Variants in SLC5A10 observed in about 807,000 individuals in gnomAD.
The protein encoded by SLC5A10 is solute carrier family 5 member 10, also known as sodium/mannose cotransporter SLC5A10.
SLC5A10 carries 55 observed loss-of-function variants against 68.9 expected under a neutral mutation model. That is an observed-to-expected ratio of 0.80 (90% CI 0.64 to 1.00). The LOEUF is 1.00. Among genes scored for constraint, SLC5A10 ranks in the 50% least tolerant of loss-of-function variants. SLC5A10 has a pLI of 0.00. For synonymous variants in SLC5A10, 344 were observed against 344.8 expected (o/e 1.00, Z 0.02); for missense variants, 732 against 819.3 (o/e 0.89, Z 1.30).
rs758694379 is a variant in SLC5A10 at position 18,971,432 on chromosome 17, G to A, written c.846+214G>A. ...CGATGAGGCCCACTGGCTACCGCCC[G>A]TCCTGGCCTTTAGGTGCTTCGACTG... On this transcript the variant is annotated intron_variant, in intron 8 of 14. Coordinates refer to ENST00000395645, the MANE Select transcript of SLC5A10 (RefSeq NM_001042450.4). The surrounding 1 kb of genome is among the most constrained non-coding windows in gnomAD (Gnocchi z 5.5). 8.7e-6 allele frequency: 14 copies of A among 1,613,762 alleles called. No individual in the cohort carries two copies. Among genetic ancestry groups the A allele is most frequent in the South Asian group, 3.3e-5 (3 of 91,080 alleles).
rs139210225 is a variant in SLC5A10 at position 19,008,789 on chromosome 17, G to A, written c.983-4621G>A. On this transcript the variant is annotated intron_variant, in intron 9 of 14. Transcript: ENST00000395645. ...GCTGGGATTACAGGCGTGAGCCACC[G>A]TGCCTGGCATTATTATTATTATTAT... Among the ~76,000 whole-genome samples, 775 of 151,072 alleles carry A rather than the reference G, an allele frequency of 5.1e-3. 8 individuals are homozygous for A. The highest frequency in any genetic ancestry group is 0.017 in the African/African-American group (713 of 40,888).
At chr17:19,006,757 A>C (rs1348895830) in intron 9 of SLC5A10, among the ~76,000 whole-genome samples, 1 of 152,224 alleles carries the variant, frequency 6.6e-6, no homozygotes, top group Non-Finnish European at 1.5e-5. Context: ...TGTTTCAAGA[A>C]TGCTATATAA....
intron 10 of SLC5A10, among the ~76,000 whole-genome samples, chr17:19,014,579 C>G (rs1317355974): frequency 6.6e-6 from 1 of 152,220 alleles, no homozygotes; most frequent in East Asian, 1.9e-4. Flanking sequence ...GCCTTCCTCA[C>G]CAACCCCACC....
At position 19,020,557 on chromosome 17, in the gene SLC5A10, A is replaced by T. The variant is rs185228977; in HGVS notation, c.*126A>T. 2 of 846,678 alleles carry T rather than the reference A, an allele frequency of 2.4e-6. No homozygotes were observed. Among genetic ancestry groups the T allele is most frequent in the Non-Finnish European group, 3.6e-6 (2 of 552,020 alleles). The allele number at this position is 846,678 out of a possible 1,614,324, so 52.4% of individuals were successfully genotyped here. On this transcript the variant is annotated 3_prime_UTR_variant, in exon 15 of 15. Coordinates refer to ENST00000395645, the MANE Select transcript of SLC5A10 (RefSeq NM_001042450.4). ...CAGCTGCACAGCAGCTCGGTGCCCAAGAACTGGCCAAGCCAGCAAAGCGGG... is the reference window on the plus strand; with the variant it reads ...CAGCTGCACAGCAGCTCGGTGCCCATGAACTGGCCAAGCCAGCAAAGCGGG...
upstream of SLC5A10, chr17:18,950,781 T>C (rs942288284): frequency 1.3e-6 from 1 of 780,912 alleles, no homozygotes; most frequent in African/African-American, 1.9e-5. Context: ...AATGGCGCAG[T>C]CTTGGCTCAC....
chr17:19,011,632 C>T (rs1411827428), intron 9 of SLC5A10, among the ~76,000 whole-genome samples: 5 of 151,648 alleles, frequency 3.3e-5, no homozygotes, highest in Non-Finnish European at 7.4e-5. Flanking sequence ...GCAGGGTGGG[C>T]CCCAGACGGG....
Position 19,003,618 on chromosome 17 carries a change from G to A in SLC5A10, c.983-9792G>A. 6.2e-7 allele frequency: 1 copy of A among 1,611,972 alleles called. No homozygotes were observed. Among genetic ancestry groups the A allele is most frequent in the Non-Finnish European group, 8.5e-7 (1 of 1,179,316 alleles). ...TAGACGCTAGCCCGGGTCACGCCGC[G>A]GTAGGCGATGGTGTCGGGCCAGCCC... is the stretch of plus-strand genomic sequence containing the variant. On this transcript the variant is annotated intron_variant, in intron 9 of 14. Transcript: ENST00000395645. The surrounding 1 kb of genome is among the most constrained non-coding windows in gnomAD (Gnocchi z 4.5).
chr17:18,977,571 G>A lies in SLC5A10; in HGVS notation c.982+582G>A, dbSNP rs780520275. The stretch of plus-strand genomic sequence containing the variant: ...GGACTCGTGACCCCTGGTGTGCAGG[G>A]ACCCTGACCCACCTGTGCCTCCTTG... On this transcript the variant is annotated intron_variant, in intron 9 of 14. Transcript: ENST00000395645. 27 of 1,604,182 alleles carry A rather than the reference G, an allele frequency of 1.7e-5. No individual in the cohort carries two copies. The South Asian group carries it at 2.8e-4, about 16-fold the overall frequency.
intron 2 of SLC5A10, 98 bp downstream of exon 2, chr17:18,958,851 T>A: frequency 7.0e-7 from 1 of 1,418,500 alleles, no homozygotes; most frequent in African/African-American, 1.4e-5. Flanking sequence ...GCCAGTCCAA[T>A]TCAGTGGAGC....
At chr17:18,982,316 T>G (rs1464493743) in intron 9 of SLC5A10, among the ~76,000 whole-genome samples, 1 of 152,092 alleles carries the variant, frequency 6.6e-6, no homozygotes, top group African/African-American at 2.4e-5. Flanking sequence ...CATGGCCTGC[T>G]CCCCAGCTTG....
At chr17:18,976,182 C>CAA (rs1567788792) in intron 8 of SLC5A10, 1 of 26,930 alleles carries the variant, frequency 3.7e-5, no homozygotes, top group Non-Finnish European at 7.5e-5. Context: ...AGCAAGACTC[C>CAA]GACTCAAAAA....
intron 9 of SLC5A10, among the ~76,000 whole-genome samples, chr17:18,999,440 G>A (rs1185601160): frequency 2.6e-5 from 4 of 152,216 alleles, no homozygotes; most frequent in Non-Finnish European, 4.4e-5. Flanking sequence ...TGGGGGTCTC[G>A]GCCCAGTCCC....
Position 19,000,556 on chromosome 17 carries a change from C to G in SLC5A10, c.983-12854C>G, listed in dbSNP as rs936234039. Among the ~76,000 whole-genome samples the G allele has an allele frequency of 6.6e-6, 1 of 152,194 alleles. No individual in the cohort carries two copies. The highest frequency in any genetic ancestry group is 1.5e-5 in the Non-Finnish European group (1 of 68,036). On this transcript the variant is annotated intron_variant, in intron 9 of 14. Coordinates refer to ENST00000395645, the MANE Select transcript of SLC5A10 (RefSeq NM_001042450.4). The surrounding 1 kb of genome is among the most constrained non-coding windows in gnomAD (Gnocchi z 5.2). ...AGCCGCTCCCCTAAGTGCTGCGTCACTTCCCTGCCCCAGGGTCTGCCTGTT... is the reference window on the plus strand; with the variant it reads ...AGCCGCTCCCCTAAGTGCTGCGTCAGTTCCCTGCCCCAGGGTCTGCCTGTT...
In SLC5A10 at chr17:19,020,154, G is replaced by A. The variant is rs767356154; in HGVS notation, c.1627-1G>A. 1.1e-5 allele frequency: 15 copies of A among 1,340,466 alleles called. No individual in the cohort carries two copies. In the East Asian group the frequency reaches 6.1e-4, roughly 55 times the overall value. 83.0% of individuals were successfully genotyped at this position (1,340,466 alleles called of 1,614,324 possible). A position where few individuals can be genotyped will look rare whatever the true frequency, so the allele number is the denominator to read the frequency against. On this transcript the variant is annotated splice_acceptor_variant, in intron 13 of 14. Transcript: ENST00000395645. LOFTEE classifies it high-confidence loss of function. ...ACCCTATCCTCACTCATTTCTTACA[G>A]ATTGAGAACCTTACCTGGTGGACCC... is the stretch of plus-strand genomic sequence containing the variant.
At position 19,017,249 on chromosome 17, in the gene SLC5A10, A is replaced by C. The variant is rs2044158644; in HGVS notation, c.1241+2050A>C. 1 of 1,536,404 alleles carries C rather than the reference A, an allele frequency of 6.5e-7. No homozygotes were observed. The highest frequency in any genetic ancestry group is 2.4e-5 in the East Asian group (1 of 40,820). ...CAGAAAGGGCCCCGTGCCAGGTGTC[A>C]GGCTGGCCAGCTCAACTTCCCGTCC... On this transcript the variant is annotated intron_variant, in intron 11 of 14. Coordinates refer to ENST00000395645, the MANE Select transcript of SLC5A10 (RefSeq NM_001042450.4). This position sits in a 1 kb window ranked among gnomAD's most constrained non-coding sequence, Gnocchi z 5.6.
intron 9 of SLC5A10, among the ~76,000 whole-genome samples, chr17:19,012,039 G>A (rs1401704594): frequency 1.3e-5 from 2 of 152,140 alleles, no homozygotes; most frequent in African/African-American, 4.8e-5. Flanking sequence ...AGTGCTGTCA[G>A]TCAGCTTGTT....
At chr17:18,957,266 G>A (rs979066299) in intron 1 of SLC5A10, among the ~76,000 whole-genome samples, 1 of 152,130 alleles carries the variant, frequency 6.6e-6, no homozygotes, top group Admixed American at 6.5e-5. Context: ...CAGGAAGCAG[G>A]GAAGACAGGA....
rs1419365606 is a variant in SLC5A10 at position 18,978,069 on chromosome 17, C to T, written c.982+1080C>T. The T allele has an allele frequency of 2.6e-6, 4 of 1,517,216 alleles. No homozygotes were observed. In the South Asian group the frequency reaches 4.0e-5, roughly 15 times the overall value. 94.0% of individuals were successfully genotyped at this position (1,517,216 alleles called of 1,614,324 possible). ...TGGTCTGTCCCATTCTGGGGAGCTT[C>T]CTCTTTGGGGAGCTCCAGGACCCAG... On this transcript the variant is annotated intron_variant, in intron 9 of 14. Coordinates refer to ENST00000395645, the MANE Select transcript of SLC5A10 (RefSeq NM_001042450.4).
intron 9 of SLC5A10, among the ~76,000 whole-genome samples, chr17:18,983,910 C>A (rs1326988831): frequency 6.6e-6 from 1 of 152,208 alleles, no homozygotes; most frequent in African/African-American, 2.4e-5. Flanking sequence ...TGATACATGT[C>A]CCCTTTTGTG....
Sources: allele counts gnomAD v4.1 joint callset (sites outside exome capture counted in the v4.1 genomes callset), GRCh38; gene constraint gnomAD v4.1.1; non-coding constraint Gnocchi (gnomAD v3.1); transcripts MANE v1.5; gene names NCBI Gene and HGNC (gene_info 2026-07-23, HGNC 2026-07-21).